Variants in TINCR observed in about 807,000 individuals in gnomAD.
The protein encoded by TINCR is TINCR-encoded ubiquitin-like protein.
chr19:5,559,861 G>C (rs1385355992), downstream of TINCR: 1 of 152,312 alleles, frequency 6.6e-6, no homozygotes, highest in Non-Finnish European at 1.5e-5. Context: ...CCACGCATGA[G>C]CAGGGATCTG....
chr19:5,560,340 C>G (rs887482174), downstream of TINCR: 1 of 152,278 alleles, frequency 6.6e-6, no homozygotes, highest in African/African-American at 2.4e-5. The surrounding 1 kb of genome is among the most constrained non-coding windows in gnomAD (Gnocchi z 4.5). Flanking sequence ...TGCTCTGAGT[C>G]CTGCAGCCAA....
chr19:5,558,456 G>C (rs1340842681), downstream of TINCR: 1 of 152,352 alleles, frequency 6.6e-6, no homozygotes, highest in Middle Eastern at 3.1e-3. Flanking sequence ...AACAAAGAAG[G>C]TGGGACATGC....
At chr19:5,559,769 G>T (rs1459674553), downstream of TINCR, 2 of 152,232 alleles carry the variant, frequency 1.3e-5, no homozygotes, top group Non-Finnish European at 2.9e-5. Context: ...GCATGTCCCT[G>T]AATATGCACA....
chr19:5,567,649 C>CCCCCCCCCCCCCCCCCCCCCGGGGGGG lies in TINCR; in HGVS notation c.260+15_260+16insCCCCCCCGGGGGGGGGGGGGGGGGGGG. ...CCGCCGCCCCCGCCCCACCCCACCCCGAGCCCCGCGGCCACCTGGGGTCGC... is the reference window on the plus strand; with the variant it reads ...CCGCCGCCCCCGCCCCACCCCACCCCCCCCCCCCCCCCCCCCCCCCGGGGGGGGAGCCCCGCGGCCACCTGGGGTCGC... On this transcript the variant is annotated intron_variant, in intron 1 of 1. Transcript: ENST00000646160. The CCCCCCCCCCCCCCCCCCCCCGGGGGGG allele has an allele frequency of 2.3e-5, 8 of 350,308 alleles. No homozygotes were observed. The highest frequency in any genetic ancestry group is 5.0e-5 in the Admixed American group (1 of 20,088). The allele number at this position is 350,308 out of a possible 1,614,324, so 21.7% of individuals were successfully genotyped here. A position where few individuals can be genotyped will look rare whatever the true frequency, so the allele number is the denominator to read the frequency against.
intron 1 of TINCR, among the ~76,000 whole-genome samples, chr19:5,566,478 GCAGAGA>G (rs2052129680): frequency 6.6e-6 from 1 of 151,126 alleles, no homozygotes; most frequent in African/African-American, 2.4e-5. Context: ...ACCAAAATGG[GCAGAGA>G]CACAGAGAGA....
chr19:5,564,287 G>A (rs923694105), intron 1 of TINCR, among the ~76,000 whole-genome samples: 12 of 152,272 alleles, frequency 7.9e-5, no homozygotes, highest in Middle Eastern at 3.4e-3. Flanking sequence ...TCTCACATGG[G>A]GAAGCTGAGG....
At chr19:5,566,107 G>C (rs1244063424) in intron 1 of TINCR, among the ~76,000 whole-genome samples, 9 of 152,224 alleles carry the variant, frequency 5.9e-5, no homozygotes, top group African/African-American at 2.2e-4. Context: ...GTGGGTAACG[G>C]ACACTGGAGT....
downstream of TINCR, chr19:5,561,140 C>T (rs1221914393): frequency 6.5e-6 from 1 of 153,960 alleles, no homozygotes; most frequent in Non-Finnish European, 1.5e-5. Flanking sequence ...TTGCGATGCC[C>T]TCTGGCTGCC....
chr19:5,561,928 T>C (rs960463537), downstream of TINCR, among the ~76,000 whole-genome samples: 3 of 152,176 alleles, frequency 2.0e-5, no homozygotes, highest in Non-Finnish European at 2.9e-5. Context: ...ACCAAGGCCA[T>C]GTCCCTACCC....
Position 5,565,188 on chromosome 19 carries a change from G to A in TINCR, c.261-2239C>T, listed in dbSNP as rs1049109344. On this transcript the variant is annotated intron_variant, in intron 1 of 1. Transcript: ENST00000646160. This position sits in a 1 kb window ranked among gnomAD's most constrained non-coding sequence, Gnocchi z 4.0. ...TTGCTCCAGCCACACGGGCCTCCTCGCTGTTCCTCCAACATGCCAGGTGCA... is the reference window on the plus strand; with the variant it reads ...TTGCTCCAGCCACACGGGCCTCCTCACTGTTCCTCCAACATGCCAGGTGCA... Among the ~76,000 whole-genome samples the A allele has an allele frequency of 6.6e-6, 1 of 151,484 alleles. No homozygotes were observed.
At chr19:5,564,256 G>C (rs1311344308) in intron 1 of TINCR, among the ~76,000 whole-genome samples, 1 of 152,190 alleles carries the variant, frequency 6.6e-6, no homozygotes, top group African/African-American at 2.4e-5. Context: ...GCGCTGACAG[G>C]TCCCAAGTGT....
downstream of TINCR, chr19:5,558,241 G>A (rs1170178642): frequency 6.6e-6 from 1 of 152,238 alleles, no homozygotes; most frequent in Admixed American, 6.5e-5. Context: ...CAAGCTGGGT[G>A]ATCCTGCGGC....
chr19:5,567,887 C>T (rs1224936074), exon 1 of TINCR: 5 of 389,728 alleles, frequency 1.3e-5, no homozygotes, highest in Non-Finnish European at 1.8e-5. Context: ...GATGTGGTAG[C>T]GCTTCCAGCG....
rs2052111497 is a variant in TINCR at position 5,563,432 on chromosome 19, C to A, written c.261-483G>T. On this transcript the variant is annotated intron_variant, in intron 1 of 1. Coordinates refer to ENST00000646160, the Ensembl canonical transcript of TINCR. This position sits in a 1 kb window ranked among gnomAD's most constrained non-coding sequence, Gnocchi z 4.7. ...ACCAGCTGAAGGACAGATAGAGGGG[C>A]TTGGGAGGAAGAGAGGAATAGACTG... Among the ~76,000 whole-genome samples the A allele has an allele frequency of 1.3e-5, 2 of 152,114 alleles. No homozygotes were observed. Among genetic ancestry groups the A allele is most frequent in the South Asian group, 4.1e-4 (2 of 4,820 alleles).
At position 5,567,341 on chromosome 19, in the gene TINCR, TGAGA is replaced by T. The variant is rs1175992432; in HGVS notation, c.260+320_260+323del. ...GAGACAGAAAGAAGAGGGAGAGAGA[TGAGA>T]GACAGAGACAAAAGAAGAAGAGACA... On this transcript the variant is annotated intron_variant, in intron 1 of 1. Coordinates refer to ENST00000646160, the Ensembl canonical transcript of TINCR. Among the ~76,000 whole-genome samples the T allele has an allele frequency of 3.2e-5, 4 of 126,536 alleles. No homozygotes were observed. The South Asian group carries it at 7.6e-4, about 24-fold the overall frequency. 83.0% of individuals were successfully genotyped at this position (126,536 alleles called of 152,430 possible).
In TINCR at chr19:5,563,132, G is replaced by A. The variant is rs1045354298; in HGVS notation, c.261-183C>T. Reference sequence around the variant, plus strand: ...AAGAGAGGGAGGAGGAGCAAGCAGGGAGGGAATACAGCAGGTCATCCAGGG... The same window carrying A: ...AAGAGAGGGAGGAGGAGCAAGCAGGAAGGGAATACAGCAGGTCATCCAGGG... On this transcript the variant is annotated intron_variant, in intron 1 of 1. Coordinates refer to ENST00000646160, the Ensembl canonical transcript of TINCR. This position sits in a 1 kb window ranked among gnomAD's most constrained non-coding sequence, Gnocchi z 4.7. 2.2e-4 allele frequency among the ~76,000 whole-genome samples: 33 copies of A among 152,116 alleles called. No homozygotes were observed. Among genetic ancestry groups the A allele is most frequent in the African/African-American group, 7.5e-4 (31 of 41,516 alleles).
chr19:5,566,627 T>A (rs1247868332), intron 1 of TINCR, among the ~76,000 whole-genome samples: 5 of 130,012 alleles, frequency 3.8e-5, no homozygotes, highest in African/African-American at 5.9e-5. Context: ...CAGAGACAAA[T>A]GGACAAAGAG....
At chr19:5,566,672 A>C (rs1384787560) in intron 1 of TINCR, among the ~76,000 whole-genome samples, 2 of 151,956 alleles carry the variant, frequency 1.3e-5, no homozygotes, top group Non-Finnish European at 2.9e-5. Flanking sequence ...ACACACATAC[A>C]CAGACACAGA....
intron 1 of TINCR, among the ~76,000 whole-genome samples, chr19:5,566,086 C>G (rs374909757): frequency 7.2e-5 from 11 of 152,282 alleles, no homozygotes; most frequent in African/African-American, 2.6e-4. Flanking sequence ...CCCAGATATC[C>G]AAGTGTGAGT....
Sources: gnomAD v4.1 joint callset for allele counts (sites outside exome capture counted in the v4.1 genomes callset) on GRCh38, gnomAD v4.1.1 for gene constraint, Gnocchi (gnomAD v3.1) non-coding constraint, MANE v1.5 for transcripts, NCBI Gene and HGNC (gene_info 2026-07-23, HGNC 2026-07-21) for gene names.